TBC1D5: variants seen among roughly 807,000 people sequenced by gnomAD.
The protein encoded by TBC1D5 is TBC1 domain family, member 5.
A neutral mutation model predicts 100.3 loss-of-function variants in TBC1D5; 75 were observed. The ratio of observed to expected loss-of-function variants is 0.75; its 90% CI spans 0.62 to 0.91. The LOEUF is 0.91. TBC1D5 is among the 40% of genes least tolerant of loss of function. The pLI is 0.00. For missense variants in TBC1D5, 910 were observed against 942.4 expected (o/e 0.97, Z 0.45); for synonymous variants, 323 against 325.6 (o/e 0.99, Z 0.09).
chr3:17,396,818 G>A (rs995917464), intron 8 of TBC1D5, among the ~76,000 whole-genome samples: 5 of 151,922 alleles, frequency 3.3e-5, no homozygotes, highest in African/African-American at 9.7e-5. Context: ...AGTTCAACAT[G>A]AATAAAAAGC....
intron 3 of TBC1D5, among the ~76,000 whole-genome samples, chr3:17,487,106 G>C (rs1468269954): frequency 1.3e-5 from 2 of 151,588 alleles, no homozygotes; most frequent in Non-Finnish European, 2.9e-5. Context: ...AGTAAATAAT[G>C]TTTTCTTGGA....
chr3:17,420,533 T>C (rs1043926722), intron 4 of TBC1D5, among the ~76,000 whole-genome samples: 10 of 152,298 alleles, frequency 6.6e-5, no homozygotes, highest in African/African-American at 2.4e-4. Flanking sequence ...AAGATATTGG[T>C]GAATTTTTTT....
intron 3 of TBC1D5, among the ~76,000 whole-genome samples, chr3:17,456,490 G>A (rs886629269): frequency 6.6e-6 from 1 of 152,148 alleles, no homozygotes; most frequent in Non-Finnish European, 1.5e-5. Flanking sequence ...ATGGGTGAAA[G>A]ATTTGAATAG....
chr3:17,380,656 T>C (rs554117123), intron 9 of TBC1D5, among the ~76,000 whole-genome samples: 52 of 152,194 alleles, frequency 3.4e-4, no homozygotes, highest in African/African-American at 1.2e-3. Flanking sequence ...TCCAAACTCA[T>C]GCCAGTTGAA....
At chr3:17,291,856 C>T in intron 15 of TBC1D5, 39 bp downstream of exon 15, 2 of 1,564,584 alleles carry the variant, frequency 1.3e-6, no homozygotes, top group Non-Finnish European at 1.7e-6. Flanking sequence ...TATTTTTCAC[C>T]CAACTTAAAA....
At chr3:17,610,601 T>C (rs920171392) in intron 2 of TBC1D5, among the ~76,000 whole-genome samples, 1 of 152,224 alleles carries the variant, frequency 6.6e-6, no homozygotes, top group Non-Finnish European at 1.5e-5. Flanking sequence ...TTTAACAAGA[T>C]AGTTTAAGGT....
At chr3:17,680,205 T>C (rs546197265) in intron 1 of TBC1D5, among the ~76,000 whole-genome samples, 1 of 151,176 alleles carries the variant, frequency 6.6e-6, no homozygotes, top group African/African-American at 2.5e-5. Context: ...AGAGATCTGA[T>C]ATAATCACTC....
chr3:17,212,038 A>G (rs1017606991), intron 18 of TBC1D5, among the ~76,000 whole-genome samples: 2 of 152,192 alleles, frequency 1.3e-5, no homozygotes, highest in Non-Finnish European at 2.9e-5. Context: ...AGAGAACATG[A>G]TATTCTATGT....
At chr3:17,686,891 G>T (rs1307613010) in intron 1 of TBC1D5, among the ~76,000 whole-genome samples, 1 of 152,044 alleles carries the variant, frequency 6.6e-6, no homozygotes, top group East Asian at 1.9e-4. Context: ...CTACAACAAG[G>T]AATTATCTAG....
intron 18 of TBC1D5, among the ~76,000 whole-genome samples, chr3:17,196,832 G>A (rs553365761): frequency 3.3e-5 from 5 of 152,300 alleles, no homozygotes; most frequent in African/African-American, 9.6e-5. Flanking sequence ...TATAGAGTCA[G>A]TTCCGTTATA....
At chr3:17,476,270 G>C (rs1310083102) in intron 3 of TBC1D5, among the ~76,000 whole-genome samples, 1 of 151,522 alleles carries the variant, frequency 6.6e-6, no homozygotes, top group Admixed American at 6.6e-5. Flanking sequence ...TTATAGTTTT[G>C]CTTTACACAT....
intron 14 of TBC1D5, among the ~76,000 whole-genome samples, chr3:17,303,766 C>A (rs559195503): frequency 3.3e-5 from 5 of 151,654 alleles, no homozygotes; most frequent in Non-Finnish European, 7.4e-5. Context: ...ACACTCAACA[C>A]CCTCTACCCT....
At chr3:17,491,365 G>C (rs1201169217) in intron 3 of TBC1D5, among the ~76,000 whole-genome samples, 6 of 152,208 alleles carry the variant, frequency 3.9e-5, no homozygotes, top group Non-Finnish European at 8.8e-5. Context: ...GGAGTGGTGA[G>C]AGAGGGTGTT....
chr3:17,650,185 T>A (rs928995820), intron 1 of TBC1D5, among the ~76,000 whole-genome samples: 1 of 152,012 alleles, frequency 6.6e-6, no homozygotes, highest in Non-Finnish European at 1.5e-5. Context: ...GAGAAATACC[T>A]CATGTAGGTG....
chr3:17,730,787 G>C (rs1321898984), intron 1 of TBC1D5, among the ~76,000 whole-genome samples: 1 of 152,028 alleles, frequency 6.6e-6, no homozygotes, highest in Non-Finnish European at 1.5e-5. Context: ...ACCTGGTATT[G>C]GACATCTATT....
At chr3:17,519,378 A>G (rs1225433002) in intron 2 of TBC1D5, among the ~76,000 whole-genome samples, 2 of 152,218 alleles carry the variant, frequency 1.3e-5, no homozygotes, top group Admixed American at 1.3e-4. Context: ...ACTTCCACAC[A>G]TGTGGCTCCT....
chr3:17,388,887 CA>C (rs979013577), intron 8 of TBC1D5, among the ~76,000 whole-genome samples: 1 of 150,770 alleles, frequency 6.6e-6, no homozygotes, highest in African/African-American at 2.4e-5. Context: ...AACAAAGAAA[CA>C]AAAAAAATAC....
chr3:17,391,327 T>C (rs1243748144), intron 8 of TBC1D5, among the ~76,000 whole-genome samples: 1 of 151,964 alleles, frequency 6.6e-6, no homozygotes, highest in African/African-American at 2.4e-5. Flanking sequence ...GGAACCAAAG[T>C]GGATACTCCA....
At chr3:17,684,581 T>C (rs1363780143) in intron 1 of TBC1D5, among the ~76,000 whole-genome samples, 1 of 152,100 alleles carries the variant, frequency 6.6e-6, no homozygotes, top group Non-Finnish European at 1.5e-5. Flanking sequence ...AGAGCCCTAA[T>C]AACTGCTCTA....
Sources: gnomAD v4.1 joint callset for allele counts (sites outside exome capture counted in the v4.1 genomes callset) on GRCh38, gnomAD v4.1.1 for gene constraint, MANE v1.5 for transcripts, NCBI Gene and HGNC (gene_info 2026-07-23, HGNC 2026-07-21) for gene names.